SMAD4: variants seen among roughly 807,000 people sequenced by gnomAD.
SMAD4 encodes SMAD family member 4.
A neutral mutation model predicts 63.2 loss-of-function variants in SMAD4; 7 were observed. The ratio of observed to expected loss-of-function variants is 0.11; its 90% CI spans 0.06 to 0.21. SMAD4 has a LOEUF of 0.21. SMAD4 is among the 10% of genes least tolerant of loss of function. The probability of loss-of-function intolerance (pLI) is 1.00; values close to 1 mark genes in which losing one functional copy is unlikely to be tolerated. For missense variants in SMAD4, 312 were observed against 693.8 expected (o/e 0.45, Z 6.18); for synonymous variants, 215 against 235.4 (o/e 0.91, Z 0.79).
chr18:51,040,115 C>G (rs1480184051), intron 1 of SMAD4, among the ~76,000 whole-genome samples: 1 of 151,994 alleles, frequency 6.6e-6, no homozygotes, highest in Non-Finnish European at 1.5e-5. Context: ...CAGCTTTTTT[C>G]TCCTCCCCTA....
rs1359274226 is a variant in SMAD4 at position 51,081,009 on chromosome 18, A to G, written c.*2542A>G. On this transcript the variant is annotated 3_prime_UTR_variant, in exon 12 of 12. Transcript: ENST00000342988. Reference sequence around the variant, plus strand: ...AAATACTTCTAGTTGTTAAGTGCTTATATTTGTACCTAGATTTAGTCACAC... The same window carrying G: ...AAATACTTCTAGTTGTTAAGTGCTTGTATTTGTACCTAGATTTAGTCACAC... 1.4e-5 allele frequency: 3 copies of G among 207,888 alleles called. No individual in the cohort carries two copies. Among genetic ancestry groups the G allele is most frequent in the African/African-American group, 2.3e-5 (1 of 43,862 alleles). 12.9% of individuals were successfully genotyped at this position (207,888 alleles called of 1,614,324 possible). A position where few individuals can be genotyped will look rare whatever the true frequency, so the allele number is the denominator to read the frequency against.
intron 10 of SMAD4, among the ~76,000 whole-genome samples, chr18:51,071,328 A>G (rs1355541855): frequency 6.6e-6 from 1 of 152,116 alleles, no homozygotes; most frequent in African/African-American, 2.4e-5. Context: ...TGAGGAAAAC[A>G]CACTTGGAGA....
In SMAD4 at chr18:51,081,682, G is replaced by T. The variant is rs186807250; in HGVS notation, c.*3215G>T. On this transcript the variant is annotated 3_prime_UTR_variant, in exon 12 of 12. Coordinates refer to ENST00000342988, the MANE Select transcript of SMAD4 (RefSeq NM_005359.6). ...ATCCATTTTTGTGGGGCAGGGTGTG[G>T]TGTGTAAAGGGGGGTGTTTGTAATA... is the stretch of plus-strand genomic sequence containing the variant. 3.4e-5 allele frequency: 8 copies of T among 232,862 alleles called. No homozygotes were observed. The East Asian group carries it at 4.8e-4, about 14-fold the overall frequency. 14.4% of individuals were successfully genotyped at this position (232,862 alleles called of 1,614,324 possible).
intron 1 of SMAD4, among the ~76,000 whole-genome samples, chr18:51,045,291 T>C (rs990551140): frequency 3.9e-5 from 6 of 152,228 alleles, no homozygotes; most frequent in African/African-American, 1.4e-4. Context: ...TGATGAGTTT[T>C]ATTAATCTTG....
intron 1 of SMAD4, among the ~76,000 whole-genome samples, chr18:51,042,822 C>T (rs913619621): frequency 1.3e-5 from 2 of 152,196 alleles, no homozygotes; most frequent in East Asian, 1.9e-4. Flanking sequence ...CTGCCCCAGC[C>T]TCTTGTTAAT....
At chr18:51,055,341 C>T (rs189938952) in intron 5 of SMAD4, among the ~76,000 whole-genome samples, 1 of 152,036 alleles carries the variant, frequency 6.6e-6, no homozygotes, top group Admixed American at 6.5e-5. Context: ...GGAATTGCAA[C>T]CTTTCTTTTA....
At chr18:51,060,035 CA>C in intron 8 of SMAD4, 119 bp downstream of exon 8, 8 of 761,066 alleles carry the variant, frequency 1.1e-5, no homozygotes, top group Non-Finnish European at 1.9e-5. Flanking sequence ...CAATACTCAT[CA>C]TGACATGAGT....
intron 4 of SMAD4, 52 bp downstream of exon 4, chr18:51,049,376 G>T (rs1400945058): frequency 7.3e-7 from 1 of 1,378,532 alleles, no homozygotes; most frequent in African/African-American, 1.4e-5. Flanking sequence ...TATCCTCTCT[G>T]TTTTTTTGTT....
chr18:51,054,566 A>G (rs1328425287), intron 4 of SMAD4: 1 of 533,198 alleles, frequency 1.9e-6, no homozygotes, highest in Admixed American at 3.2e-5. Context: ...AGTCAGATTG[A>G]TTGATAAAAT....
chr18:51,030,546 G>A lies in SMAD4; in HGVS notation c.-205G>A, dbSNP rs1314088767. On this transcript the variant is annotated 5_prime_UTR_variant, in exon 1 of 12. Transcript: ENST00000342988. The stretch of plus-strand genomic sequence containing the variant: ...GGCCGAGGAGCTCTCCGGGCCGCCG[G>A]GGAAAGCTACGGGCCCGGTGCGTCC... 6.6e-6 allele frequency: 1 copy of A among 150,404 alleles called. No individual in the cohort carries two copies. The highest frequency in any genetic ancestry group is 2.4e-5 in the African/African-American group (1 of 41,160). 9.3% of individuals were successfully genotyped at this position (150,404 alleles called of 1,614,324 possible).
At chr18:51,059,434 A>G (rs1442014075) in intron 7 of SMAD4, among the ~76,000 whole-genome samples, 1 of 152,272 alleles carries the variant, frequency 6.6e-6, no homozygotes, top group African/African-American at 2.4e-5. Flanking sequence ...GTTTTAACAC[A>G]TTACCAGTTT....
At chr18:51,067,533 A>G (rs988433339) in intron 10 of SMAD4, among the ~76,000 whole-genome samples, 5 of 151,982 alleles carry the variant, frequency 3.3e-5, no homozygotes, top group African/African-American at 1.2e-4. Flanking sequence ...GTGCCTCAGC[A>G]TCCCAAGTAG....
intron 1 of SMAD4, among the ~76,000 whole-genome samples, chr18:51,030,986 T>C (rs1599170041): frequency 6.6e-6 from 1 of 152,130 alleles, no homozygotes; most frequent in African/African-American, 2.4e-5. Context: ...TGCCTTAGGG[T>C]CTAAGTGAAA....
rs2144446749 is a variant in SMAD4 at position 51,065,478 on chromosome 18, G to A, written c.1011G>A (p.Glu337=). 6.2e-7 allele frequency: 1 copy of A among 1,614,006 alleles called. No individual in the cohort carries two copies. The highest frequency in any genetic ancestry group is 8.5e-7 in the Non-Finnish European group (1 of 1,179,882). Residue 337 remains glutamate (E), a synonymous_variant, in exon 9 of 12, where the codon GAG becomes GAA. Coordinates refer to ENST00000342988, the MANE Select transcript of SMAD4 (RefSeq NM_005359.6). ...TTGAAATGGATGTTCAGGTAGGAGA[G>A]ACATTTAAGGTTCCTTCAAGCTGCC... is the stretch of plus-strand genomic sequence containing the variant. ...AYFEMDVQVG[E]TFKVPSSCPI...
intron 4 of SMAD4, among the ~76,000 whole-genome samples, chr18:51,050,182 AC>A (rs1414720559): frequency 6.6e-6 from 1 of 151,952 alleles, no homozygotes; most frequent in Non-Finnish European, 1.5e-5. Context: ...ACATGGTGAA[AC>A]CCTGTCTTTA....
At chr18:51,062,303 T>C (rs1910034173) in intron 8 of SMAD4, among the ~76,000 whole-genome samples, 1 of 152,142 alleles carries the variant, frequency 6.6e-6, no homozygotes, top group Non-Finnish European at 1.5e-5. Flanking sequence ...CAAGTAAGTA[T>C]ATAGTCTAAC....
At chr18:51,055,722 A>G (rs1037253189) in intron 5 of SMAD4, among the ~76,000 whole-genome samples, 8 of 151,164 alleles carry the variant, frequency 5.3e-5, no homozygotes, top group South Asian at 2.1e-4. Context: ...TTTTTTTTCA[A>G]TTAATCATAG....
intron 1 of SMAD4, among the ~76,000 whole-genome samples, chr18:51,035,321 C>T (rs1377096290): frequency 6.6e-6 from 1 of 152,138 alleles, no homozygotes. Flanking sequence ...AAAGTATATT[C>T]TCAAATGCTT....
intron 10 of SMAD4, 137 bp from the exon 11 acceptor site, chr18:51,076,501 A>G (rs2144472924): frequency 2.7e-6 from 2 of 753,362 alleles, no homozygotes; most frequent in Non-Finnish European, 2.2e-6. Flanking sequence ...AATGTACATA[A>G]AAGTTTACAT....
Sources: allele counts gnomAD v4.1 joint callset (sites outside exome capture counted in the v4.1 genomes callset), GRCh38; gene constraint gnomAD v4.1.1; transcripts MANE v1.5; gene names NCBI Gene and HGNC (gene_info 2026-07-23, HGNC 2026-07-21).